Variants in CBFA2T3 observed in about 807,000 individuals in gnomAD.
CBFA2T3 encodes transcriptional corepressor CBFA2T3.
Under a neutral mutation model 58.6 loss-of-function variants are expected in CBFA2T3, and 31 were observed. That is an observed-to-expected ratio of 0.53 (90% confidence interval 0.40 to 0.71). The LOEUF is 0.71. Among genes scored for constraint, CBFA2T3 ranks in the 30% least tolerant of loss-of-function variants. The pLI is 0.00. For missense variants in CBFA2T3, 1,076 were observed against 963.1 expected (o/e 1.12, Z -1.55); for synonymous variants, 531 against 421.9 (o/e 1.26, Z -3.17).
intron 1 of CBFA2T3, chr16:88,939,188 A>G (rs1971617984): frequency 7.3e-6 from 1 of 137,562 alleles, no homozygotes; most frequent in Non-Finnish European, 1.7e-5. Context: ...GCAGGGGAAG[A>G]GCTCAGGGGG....
intron 1 of CBFA2T3, among the ~76,000 whole-genome samples, chr16:88,904,667 C>G (rs1046726122): frequency 1.3e-5 from 2 of 152,146 alleles, no homozygotes; most frequent in African/African-American, 2.4e-5. Flanking sequence ...CCAGGCCCCA[C>G]CCCGGGTTGT....
chr16:88,881,313 G>T lies in CBFA2T3; in HGVS notation c.1380C>A (p.Ala460=), dbSNP rs369233901. The T allele has an allele frequency of 2.5e-6, 4 of 1,589,964 alleles. No individual in the cohort carries two copies. Among genetic ancestry groups the T allele is most frequent in the South Asian group, 2.2e-5 (2 of 89,144 alleles). The change falls in exon 9 of 12, where the codon GCC becomes GCA. Residue 460 remains alanine (A), a synonymous_variant. Transcript: ENST00000268679. ...CACCTAGCTGAGGCCCTTCGGGACCGGCGGAGCTGCTGCGGGGCCGGGCCG... is the reference window on the plus strand; with the variant it reads ...CACCTAGCTGAGGCCCTTCGGGACCTGCGGAGCTGCTGCGGGGCCGGGCCG... ...PAAARPRSSS[A]GPEGPQLDVP... is the part of the protein sequence containing the mutation.
chr16:88,976,594 C>T (rs1217597723), intron 1 of CBFA2T3, 63 bp downstream of exon 1: 3 of 1,305,776 alleles, frequency 2.3e-6, no homozygotes, highest in East Asian at 5.1e-5. Flanking sequence ...TAAGGAGTCA[C>T]AGCCCCGGCA....
Position 88,966,731 on chromosome 16 carries a change from G to A in CBFA2T3, c.151+9926C>T, listed in dbSNP as rs186714897. Among the ~76,000 whole-genome samples, 371 of 151,494 alleles carry A rather than the reference G, an allele frequency of 2.4e-3. 2 individuals carry two copies. Among genetic ancestry groups the A allele is most frequent in the African/African-American group, 8.5e-3 (352 of 41,418 alleles). ...GCTGGACAGAGGCCTTTCTGAACAC[G>A]AGCTGGGTGGGTTGGGGTGGGGGGC... On this transcript the variant is annotated intron_variant, in intron 1 of 11. Coordinates refer to ENST00000268679, the MANE Select transcript of CBFA2T3 (RefSeq NM_005187.6).
intron 1 of CBFA2T3, among the ~76,000 whole-genome samples, chr16:88,973,736 G>A (rs1972715621): frequency 6.6e-6 from 1 of 152,198 alleles, no homozygotes; most frequent in Non-Finnish European, 1.5e-5. Context: ...GCAAAGCCCA[G>A]CCCCAAGGGC....
Position 88,976,903 on chromosome 16 carries a change from G to C in CBFA2T3, c.-96C>G. ...TCCTGCAGCCTTGAGGGAAAGAGGAGGGGCTGGGCCAGCTGGGGCGTCCTG... is the reference window on the plus strand; with the variant it reads ...TCCTGCAGCCTTGAGGGAAAGAGGACGGGCTGGGCCAGCTGGGGCGTCCTG... On this transcript the variant is annotated 5_prime_UTR_variant, in exon 1 of 12. Transcript: ENST00000268679. 1.4e-6 allele frequency: 2 copies of C among 1,437,316 alleles called. No individual in the cohort carries two copies. The highest frequency in any genetic ancestry group is 1.9e-6 in the Non-Finnish European group (2 of 1,073,558). 89.0% of individuals were successfully genotyped at this position (1,437,316 alleles called of 1,614,324 possible).
At chr16:88,890,008 A>T (rs1292896297) in intron 5 of CBFA2T3, among the ~76,000 whole-genome samples, 2 of 135,264 alleles carry the variant, frequency 1.5e-5, no homozygotes, top group Admixed American at 1.5e-4. Context: ...GGACGTTTCA[A>T]ATCCCTGGAC....
intron 1 of CBFA2T3, among the ~76,000 whole-genome samples, chr16:88,911,118 C>G (rs927022327): frequency 1.3e-5 from 2 of 152,266 alleles, no homozygotes; most frequent in Admixed American, 1.3e-4. Context: ...CTATTTCTCT[C>G]CCAGGCCCTT....
intron 7 of CBFA2T3, chr16:88,883,480 A>T (rs1969220911): frequency 6.6e-6 from 1 of 152,592 alleles, no homozygotes; most frequent in Non-Finnish European, 1.5e-5. Flanking sequence ...AACTCTGTTC[A>T]ATACAGCGTG....
intron 1 of CBFA2T3, among the ~76,000 whole-genome samples, chr16:88,961,209 AG>A (rs1274026562): frequency 7.9e-5 from 12 of 152,314 alleles, no homozygotes; most frequent in Non-Finnish European, 1.5e-4. Context: ...GGATGCCGCC[AG>A]AGCCCGTGAG....
intron 1 of CBFA2T3, among the ~76,000 whole-genome samples, chr16:88,922,143 TG>T (rs1970942545): frequency 6.6e-6 from 1 of 152,202 alleles, no homozygotes; most frequent in Non-Finnish European, 1.5e-5. Flanking sequence ...CGCCACACTT[TG>T]GGTGGGGGTA....
intron 1 of CBFA2T3, among the ~76,000 whole-genome samples, chr16:88,965,610 C>A (rs1031390611): frequency 6.6e-6 from 1 of 152,222 alleles, no homozygotes; most frequent in African/African-American, 2.4e-5. Context: ...CTGTATGCAG[C>A]TGTTCTTCTG....
chr16:88,973,914 C>T lies in CBFA2T3; in HGVS notation c.151+2743G>A, dbSNP rs564297161. Among the ~76,000 whole-genome samples, 612 of 151,740 alleles carry T rather than the reference C, an allele frequency of 4.0e-3. 2 individuals carry two copies. Among genetic ancestry groups the T allele is most frequent in the African/African-American group, 0.014 (568 of 41,200 alleles). ...TGCCCGGTCCCCATAACATCTCCCG[C>T]CTTGCCCGGTCCCCATAACACCCGC... On this transcript the variant is annotated intron_variant, in intron 1 of 11. Coordinates refer to ENST00000268679, the MANE Select transcript of CBFA2T3 (RefSeq NM_005187.6).
chr16:88,966,726 A>T (rs1972513457), intron 1 of CBFA2T3, among the ~76,000 whole-genome samples: 1 of 151,822 alleles, frequency 6.6e-6, no homozygotes, highest in Admixed American at 6.6e-5. Flanking sequence ...GGCCTTTCTG[A>T]ACACGAGCTG....
intron 1 of CBFA2T3, chr16:88,941,028 G>C (rs1467060188): frequency 7.1e-6 from 7 of 983,980 alleles, no homozygotes; most frequent in Non-Finnish European, 8.4e-6. Flanking sequence ...ACGGTCGGGG[G>C]GTCCGGGGGA....
At chr16:88,888,847 C>T (rs1292709974) in intron 5 of CBFA2T3, among the ~76,000 whole-genome samples, 3 of 151,902 alleles carry the variant, frequency 2.0e-5, no homozygotes, top group Non-Finnish European at 2.9e-5. Context: ...TCCAGCTACC[C>T]CACACAGGCC....
chr16:88,941,555 C>T (rs937249531), intron 1 of CBFA2T3, among the ~76,000 whole-genome samples: 1 of 148,030 alleles, frequency 6.8e-6, no homozygotes, highest in Admixed American at 6.7e-5. Flanking sequence ...CCGTGGGGGC[C>T]GGGGCTGTGC....
intron 2 of CBFA2T3, among the ~76,000 whole-genome samples, 195 bp downstream of exon 2, chr16:88,901,309 C>T (rs1422554826): frequency 9.2e-5 from 14 of 152,328 alleles, no homozygotes; most frequent in African/African-American, 3.4e-4. Context: ...GGACATGACC[C>T]GGAGCTACCC....
At chr16:88,898,057 G>A (rs1457235206) in intron 3 of CBFA2T3, 21 bp downstream of exon 3, 8 of 1,590,634 alleles carry the variant, frequency 5.0e-6, no homozygotes, top group Non-Finnish European at 6.0e-6. Context: ...GGAGGCCTGC[G>A]GTTTTTGTTA....
Sources: gnomAD v4.1 joint callset for allele counts (sites outside exome capture counted in the v4.1 genomes callset) on GRCh38, gnomAD v4.1.1 for gene constraint, MANE v1.5 for transcripts, NCBI Gene and HGNC (gene_info 2026-07-23, HGNC 2026-07-21) for gene names.